Variants in QTGAL observed in about 807,000 individuals in gnomAD.
The protein encoded by QTGAL is queuosine-tRNA galactosyltransferase.
At chr17:83,032,696 G>C in the QTGAL span, among the ~76,000 whole-genome samples, 2 of 152,222 alleles carry the variant, frequency 1.3e-5, no homozygotes, top group Non-Finnish European at 2.9e-5. Flanking sequence ...ATGAGCCCAA[G>C]GAAGGGTCAG....
the QTGAL span, among the ~76,000 whole-genome samples, chr17:83,039,148 T>A: frequency 6.6e-6 from 1 of 151,864 alleles, no homozygotes; most frequent in African/African-American, 2.4e-5. Flanking sequence ...GGCACTCACC[T>A]CCCTGGGTGC....
At chr17:82,954,248 T>C in the QTGAL span, among the ~76,000 whole-genome samples, 4,820 of 152,240 alleles carry the variant, frequency 0.032, 93 homozygotes, top group South Asian at 0.1. Context: ...GAAAACCCCA[T>C]TGTCTCAGCC....
chr17:82,995,635 G>A, the QTGAL span, among the ~76,000 whole-genome samples: 1,860 of 152,100 alleles, frequency 0.012, 43 homozygotes, highest in African/African-American at 0.042. Context: ...CACCCACCTC[G>A]CCCTCCCAAA....
the QTGAL span, among the ~76,000 whole-genome samples, chr17:82,998,031 A>C: frequency 2.0e-5 from 3 of 150,750 alleles, no homozygotes; most frequent in East Asian, 5.8e-4. Flanking sequence ...AGAATGAATA[A>C]GACCTAGAAT....
the QTGAL span, among the ~76,000 whole-genome samples, chr17:82,974,076 G>T: frequency 2.6e-5 from 4 of 152,232 alleles, no homozygotes; most frequent in African/African-American, 9.6e-5. Flanking sequence ...CTGCAGTGCT[G>T]TTTCTGCCCC....
the QTGAL span, among the ~76,000 whole-genome samples, chr17:83,026,631 G>GACAAACCCACCATC: frequency 6.6e-6 from 1 of 150,974 alleles, no homozygotes; most frequent in African/African-American, 2.4e-5. Context: ...GAGGAGGGCA[G>GACAAACCCACCATC]GAAGCCTGCA....
chr17:82,980,054 C>T, the QTGAL span, among the ~76,000 whole-genome samples: 1 of 152,160 alleles, frequency 6.6e-6, no homozygotes, highest in Admixed American at 6.5e-5. Flanking sequence ...TTGATTTAAA[C>T]CTCACACTAA....
At chr17:83,008,069 CAAG>C in the QTGAL span, among the ~76,000 whole-genome samples, 6 of 152,174 alleles carry the variant, frequency 3.9e-5, no homozygotes, top group African/African-American at 1.4e-4. Context: ...GGCACGCTCT[CAAG>C]AGGAGGAGGA....
At chr17:82,970,632 C>CCTCCGCACCCGGTGTGGCCGT in the QTGAL span, among the ~76,000 whole-genome samples, 1 of 29,830 alleles carries the variant, frequency 3.4e-5, no homozygotes, top group African/African-American at 1.2e-4. Context: ...GGCGTGGCCG[C>CCTCCGCACCCGGTGTGGCCGT]GACCTCCGCA....
At chr17:83,040,054 G>A in the QTGAL span, among the ~76,000 whole-genome samples, 19 of 152,194 alleles carry the variant, frequency 1.2e-4, no homozygotes, top group African/African-American at 4.6e-4. Flanking sequence ...CCACTAGAAA[G>A]TGGGGTGATG....
the QTGAL span, among the ~76,000 whole-genome samples, chr17:82,962,010 C>G: frequency 7.0e-6 from 1 of 142,228 alleles, no homozygotes; most frequent in Admixed American, 6.7e-5. Context: ...GGAGTCTGGT[C>G]TCCTCGTGGT....
the QTGAL span, chr17:83,048,586 T>C: frequency 7.5e-6 from 12 of 1,610,496 alleles, no homozygotes; most frequent in Non-Finnish European, 1.0e-5. Flanking sequence ...AGCAGAACAC[T>C]GGCAGGTCAG....
chr17:82,999,478 T>C, the QTGAL span, among the ~76,000 whole-genome samples: 9 of 152,226 alleles, frequency 5.9e-5, no homozygotes, highest in Admixed American at 1.3e-4. Flanking sequence ...AAAATCCATG[T>C]ATAAGTTTTA....
At chr17:83,023,823 A>G in the QTGAL span, among the ~76,000 whole-genome samples, 2 of 152,166 alleles carry the variant, frequency 1.3e-5, no homozygotes, top group Non-Finnish European at 2.9e-5. Flanking sequence ...CCCAACCTTC[A>G]TGGGTTAGAT....
At chr17:82,943,248 A>G in the QTGAL span, 1 of 152,294 alleles carries the variant, frequency 6.6e-6, no homozygotes, top group Non-Finnish European at 1.5e-5. Flanking sequence ...AAAGGGCAGG[A>G]GGCTACCTTT....
At chr17:83,008,058 AG>A in the QTGAL span, among the ~76,000 whole-genome samples, 1 of 152,204 alleles carries the variant, frequency 6.6e-6, no homozygotes, top group Non-Finnish European at 1.5e-5. Context: ...CGCAGGGAAG[AG>A]GCACGCTCTC....
the QTGAL span, among the ~76,000 whole-genome samples, chr17:83,036,249 G>C: frequency 2.6e-5 from 4 of 152,252 alleles, no homozygotes; most frequent in Admixed American, 6.5e-5. Flanking sequence ...CCTCTCCCAG[G>C]CTGCTAAGCA....
At chr17:83,026,805 GACAC>G in the QTGAL span, among the ~76,000 whole-genome samples, 1 of 121,446 alleles carries the variant, frequency 8.2e-6, no homozygotes, top group Non-Finnish European at 1.7e-5. Context: ...ACCCTCGACA[GACAC>G]ACAGAGCAGG....
chr17:83,027,765 C>T, the QTGAL span, among the ~76,000 whole-genome samples: 3 of 146,850 alleles, frequency 2.0e-5, no homozygotes, highest in Non-Finnish European at 4.5e-5. Flanking sequence ...AATCTATATA[C>T]CTGACAAAGG....
Sources: gnomAD v4.1 joint callset for allele counts (sites outside exome capture counted in the v4.1 genomes callset) on GRCh38, gnomAD v4.1.1 for gene constraint, MANE v1.5 for transcripts, NCBI Gene and HGNC (gene_info 2026-07-23, HGNC 2026-07-21) for gene names.